Variants in GRID1 observed in about 807,000 individuals in gnomAD.
GRID1 encodes the protein glutamate ionotropic receptor delta type subunit 1.
Under a neutral mutation model 98.0 loss-of-function variants are expected in GRID1, and 28 were observed. That is an observed-to-expected ratio of 0.29 (90% CI 0.21 to 0.39). The LOEUF (loss-of-function observed/expected upper bound fraction) is 0.39, where lower values mean the gene tolerates loss of function less well. Ranked by LOEUF, GRID1 falls within the 10% of genes least tolerant of loss-of-function variation. GRID1 has a pLI of 1.00. For synonymous variants in GRID1, 553 were observed against 538.5 expected, an observed-to-expected ratio of 1.03 and a Z score of -0.37; for missense variants, 1,111 against 1,340.5, an observed-to-expected ratio of 0.83 and a Z score of 2.67.
intron 12 of GRID1, among the ~76,000 whole-genome samples, chr10:85,666,490 G>A (rs532123192): frequency 5.3e-5 from 8 of 152,292 alleles, no homozygotes; most frequent in South Asian, 4.2e-4. Flanking sequence ...TCTCCCCAGC[G>A]GGGGCAGGTA....
chr10:86,191,691 C>T (rs1231909632), intron 3 of GRID1, among the ~76,000 whole-genome samples: 1 of 152,174 alleles, frequency 6.6e-6, no homozygotes, highest in African/African-American at 2.4e-5. Flanking sequence ...TATGAGGTCC[C>T]AGTACCCACT....
At chr10:85,990,130 C>T (rs1358261838) in intron 4 of GRID1, among the ~76,000 whole-genome samples, 2 of 152,110 alleles carry the variant, frequency 1.3e-5, no homozygotes, top group South Asian at 2.1e-4. Flanking sequence ...TATAACAGTT[C>T]GAACAAACAA....
chr10:86,197,992 A>T (rs1589407277), intron 3 of GRID1, among the ~76,000 whole-genome samples: 1 of 152,116 alleles, frequency 6.6e-6, no homozygotes, highest in Non-Finnish European at 1.5e-5. Flanking sequence ...AACTAATGCC[A>T]TAATGATCCA....
At chr10:86,267,061 C>T (rs767711414) in intron 2 of GRID1, among the ~76,000 whole-genome samples, 24 of 152,330 alleles carry the variant, frequency 1.6e-4, no homozygotes, top group Middle Eastern at 3.4e-3. Flanking sequence ...CATCACGTCA[C>T]GGCATGGATT....
chr10:85,917,811 T>C (rs1841642031), intron 4 of GRID1, among the ~76,000 whole-genome samples: 1 of 152,204 alleles, frequency 6.6e-6, no homozygotes, highest in Non-Finnish European at 1.5e-5. Flanking sequence ...TCCTCCCCTT[T>C]CTACAAACTC....
At chr10:86,053,809 G>GAC (rs140612656) in intron 4 of GRID1, among the ~76,000 whole-genome samples, 1 of 152,090 alleles carries the variant, frequency 6.6e-6, no homozygotes, top group Admixed American at 6.5e-5. Flanking sequence ...TCCCTACACA[G>GAC]ACACACACAC....
chr10:86,239,931 C>A (rs1846600896), intron 2 of GRID1, among the ~76,000 whole-genome samples: 1 of 152,158 alleles, frequency 6.6e-6, no homozygotes, highest in African/African-American at 2.4e-5. Flanking sequence ...AAGGTGGGCC[C>A]TATTCCACCT....
intron 3 of GRID1, among the ~76,000 whole-genome samples, chr10:86,172,011 CA>C (rs1247551748): frequency 6.6e-6 from 1 of 151,744 alleles, no homozygotes; most frequent in East Asian, 1.9e-4. Flanking sequence ...ATATAATTTA[CA>C]TGCCAAAAAA....
intron 12 of GRID1, among the ~76,000 whole-genome samples, chr10:85,655,080 A>C (rs1179622868): frequency 6.6e-6 from 1 of 152,212 alleles, no homozygotes; most frequent in Non-Finnish European, 1.5e-5. Context: ...GGCTTAGTGT[A>C]GAGCCTTCAG....
intron 4 of GRID1, among the ~76,000 whole-genome samples, chr10:86,106,846 A>G (rs1413796333): frequency 6.6e-6 from 1 of 152,158 alleles, no homozygotes; most frequent in African/African-American, 2.4e-5. Flanking sequence ...GTGGCGGCTA[A>G]GATGGGATAG....
chr10:86,311,950 A>G (rs530376933), intron 2 of GRID1, among the ~76,000 whole-genome samples: 1 of 152,362 alleles, frequency 6.6e-6, no homozygotes, highest in East Asian at 1.9e-4. Flanking sequence ...ATTCTCACAG[A>G]TTATTCAAAC....
chr10:85,739,370 A>G (rs1841918329), intron 8 of GRID1, among the ~76,000 whole-genome samples: 1 of 152,136 alleles, frequency 6.6e-6, no homozygotes, highest in Non-Finnish European at 1.5e-5. Context: ...ACTTGAGCCC[A>G]GGAGATTGAG....
At chr10:86,284,946 T>C (rs986084086) in intron 2 of GRID1, among the ~76,000 whole-genome samples, 2 of 151,888 alleles carry the variant, frequency 1.3e-5, no homozygotes, top group African/African-American at 4.8e-5. Flanking sequence ...CGAGCCTCCA[T>C]GTCAAGACCT....
chr10:85,903,623 A>G (rs566003617), intron 5 of GRID1, among the ~76,000 whole-genome samples: 1 of 152,342 alleles, frequency 6.6e-6, no homozygotes, highest in Non-Finnish European at 1.5e-5. Flanking sequence ...TCTTGCTTCC[A>G]ACTTCACTCA....
intron 13 of GRID1, among the ~76,000 whole-genome samples, chr10:85,625,024 T>A (rs1278735221): frequency 6.6e-6 from 1 of 152,222 alleles, no homozygotes; most frequent in Non-Finnish European, 1.5e-5. Context: ...TATATATGAA[T>A]ACTTAAGGAA....
At chr10:86,275,211 G>A (rs954391884) in intron 2 of GRID1, among the ~76,000 whole-genome samples, 3 of 151,978 alleles carry the variant, frequency 2.0e-5, no homozygotes, top group Non-Finnish European at 4.4e-5. Flanking sequence ...GATCACACAA[G>A]ACAATGAATA....
At chr10:86,324,654 G>T (rs917862709) in intron 2 of GRID1, among the ~76,000 whole-genome samples, 5 of 152,118 alleles carry the variant, frequency 3.3e-5, no homozygotes, top group African/African-American at 1.2e-4. Context: ...AGGCAGGAAA[G>T]GGCAAAAGTA....
chr10:85,852,039 TCTC>T (rs1843063663), intron 8 of GRID1, among the ~76,000 whole-genome samples: 1 of 152,024 alleles, frequency 6.6e-6, no homozygotes, highest in Non-Finnish European at 1.5e-5. Flanking sequence ...CCTAATCCCT[TCTC>T]CTTGGTTCAT....
At chr10:85,708,108 T>TATA (rs1196060155) in intron 12 of GRID1, among the ~76,000 whole-genome samples, 1 of 117,232 alleles carries the variant, frequency 8.5e-6, no homozygotes. Flanking sequence ...AAACTTAAAG[T>TATA]ATAATAAAAA....
Sources: allele counts gnomAD v4.1 joint callset (sites outside exome capture counted in the v4.1 genomes callset), GRCh38; gene constraint gnomAD v4.1.1; transcripts MANE v1.5; gene names NCBI Gene and HGNC (gene_info 2026-07-23, HGNC 2026-07-21).